The following NKAIN2 variants were observed in gnomAD, a reference collection of about 807,000 sequenced individuals.
The protein encoded by NKAIN2 is sodium/potassium-transporting ATPase subunit beta-1-interacting protein 2.
A neutral mutation model predicts 32.6 loss-of-function variants in NKAIN2; 14 were observed. The ratio of observed to expected loss-of-function variants is 0.43; its 90% confidence interval spans 0.28 to 0.67. NKAIN2 has a LOEUF of 0.67. Among genes scored for constraint, NKAIN2 ranks in the 30% least tolerant of loss-of-function variants. NKAIN2 has a pLI of 0.17. For missense variants in NKAIN2, 198 were observed against 258.3 expected (o/e 0.77, Z 1.60); for synonymous variants, 80 against 87.2 (o/e 0.92, Z 0.46).
At chr6:124,262,519 G>A (rs1247486109) in intron 1 of NKAIN2, among the ~76,000 whole-genome samples, 1 of 152,160 alleles carries the variant, frequency 6.6e-6, no homozygotes, top group Non-Finnish European at 1.5e-5. Context: ...GATATTGAAA[G>A]CTCTAGAGGT....
In NKAIN2 at chr6:124,823,374, A is replaced by C. The variant is rs1781469899; in HGVS notation, c.*145A>C. ...AACAAATGCAAAGCCTCTACATACA[A>C]CACTGACACACACACACACACACAC... On this transcript the variant is annotated 3_prime_UTR_variant, in exon 7 of 7. Coordinates refer to ENST00000368417, the MANE Select transcript of NKAIN2 (RefSeq NM_001040214.3). 1.5e-6 allele frequency: 1 copy of C among 645,724 alleles called. No individual in the cohort carries two copies. Among genetic ancestry groups the C allele is most frequent in the Admixed American group, 2.2e-5 (1 of 45,364 alleles). 40.0% of individuals were successfully genotyped at this position (645,724 alleles called of 1,614,324 possible). A position where few individuals can be genotyped will look rare whatever the true frequency, so the allele number is the denominator to read the frequency against.
chr6:123,822,029 A>G (rs1773945112), intron 1 of NKAIN2, among the ~76,000 whole-genome samples: 1 of 152,218 alleles, frequency 6.6e-6, no homozygotes, highest in Non-Finnish European at 1.5e-5. Flanking sequence ...ATCACTTAAC[A>G]TAAATTAACT....
intron 6 of NKAIN2, among the ~76,000 whole-genome samples, chr6:124,821,637 A>T (rs1440985753): frequency 6.6e-6 from 1 of 152,224 alleles, no homozygotes; most frequent in Non-Finnish European, 1.5e-5. Flanking sequence ...AGTTATAAAA[A>T]ATATATTGTT....
At chr6:124,673,950 C>T (rs572997026) in intron 4 of NKAIN2, among the ~76,000 whole-genome samples, 1 of 152,012 alleles carries the variant, frequency 6.6e-6, no homozygotes, top group African/African-American at 2.4e-5. Context: ...GAAATCATTA[C>T]CAAAACCAAT....
intron 1 of NKAIN2, among the ~76,000 whole-genome samples, chr6:123,982,252 T>C (rs2114667628): frequency 6.6e-6 from 1 of 152,308 alleles, no homozygotes; most frequent in East Asian, 1.9e-4. Flanking sequence ...GTGCTTGTAC[T>C]AATATTGTAT....
rs565927721 is a variant in NKAIN2 at position 124,706,753 on chromosome 6, G to A, written c.474+48367G>A. Among the ~76,000 whole-genome samples, 5 of 152,218 alleles carry A rather than the reference G, an allele frequency of 3.3e-5. No homozygotes were observed. In the East Asian group the frequency reaches 9.7e-4, roughly 29 times the overall value. ...TCATTTGACTCCACTGCTTAATCTG[G>A]CATGTAATGACTGTCCAACTGAAAA... On this transcript the variant is annotated intron_variant, in intron 4 of 6. Coordinates refer to ENST00000368417, the MANE Select transcript of NKAIN2 (RefSeq NM_001040214.3).
intron 1 of NKAIN2, among the ~76,000 whole-genome samples, chr6:124,078,966 C>T (rs1336179331): frequency 1.3e-5 from 2 of 151,982 alleles, no homozygotes; most frequent in African/African-American, 4.8e-5. Context: ...TCTTCTTCCT[C>T]TTACTATTTG....
At chr6:124,715,054 C>T (rs1418294841) in intron 4 of NKAIN2, among the ~76,000 whole-genome samples, 1 of 152,140 alleles carries the variant, frequency 6.6e-6, no homozygotes, top group African/African-American at 2.4e-5. Context: ...TAAATGCCAC[C>T]CACTCCCTGA....
chr6:123,919,656 G>T (rs1353849000), intron 1 of NKAIN2, among the ~76,000 whole-genome samples: 30 of 152,114 alleles, frequency 2.0e-4, no homozygotes, highest in Non-Finnish European at 5.9e-5. Flanking sequence ...CCTTAAAGGA[G>T]ATATAGTTTG....
chr6:124,645,878 G>A (rs1218545040), intron 3 of NKAIN2, among the ~76,000 whole-genome samples: 1 of 152,166 alleles, frequency 6.6e-6, no homozygotes, highest in Non-Finnish European at 1.5e-5. Context: ...CTGTTCAAAT[G>A]TAAGATACTG....
At chr6:123,950,219 A>C (rs1394276220) in intron 1 of NKAIN2, among the ~76,000 whole-genome samples, 1 of 151,786 alleles carries the variant, frequency 6.6e-6, no homozygotes, top group African/African-American at 2.4e-5. Context: ...TTTTGCATCT[A>C]TGTTCAGCAG....
chr6:124,791,162 A>G (rs1314612264), intron 4 of NKAIN2, among the ~76,000 whole-genome samples, 177 bp from the exon 5 acceptor site: 1 of 152,172 alleles, frequency 6.6e-6, no homozygotes, highest in African/African-American at 2.4e-5. Context: ...TTTACAACAC[A>G]GATGAGCATC....
At chr6:123,818,574 T>C (rs867404892) in intron 1 of NKAIN2, among the ~76,000 whole-genome samples, 2 of 152,326 alleles carry the variant, frequency 1.3e-5, no homozygotes, top group South Asian at 4.1e-4. Context: ...ATTTATCTTT[T>C]TAAATTATCC....
At chr6:124,371,824 C>T (rs991417754) in intron 3 of NKAIN2, among the ~76,000 whole-genome samples, 13 of 151,464 alleles carry the variant, frequency 8.6e-5, no homozygotes, top group African/African-American at 2.9e-4. Context: ...AGGGTTACAA[C>T]ATTTTCCAAG....
At chr6:124,601,266 C>CCATTACCATGTACCATTACCATTCTT in intron 3 of NKAIN2, among the ~76,000 whole-genome samples, 1 of 152,134 alleles carries the variant, frequency 6.6e-6, no homozygotes, top group African/African-American at 2.4e-5. Flanking sequence ...CATTACCATG[C>CCATTACCATGTACCATTACCATTCTT]TTTGGAAAGA....
At chr6:124,382,409 A>G (rs1324833928) in intron 3 of NKAIN2, among the ~76,000 whole-genome samples, 2 of 152,000 alleles carry the variant, frequency 1.3e-5, no homozygotes, top group Non-Finnish European at 2.9e-5. Flanking sequence ...GCGAGCTAAA[A>G]CTCTGATGGG....
At chr6:124,278,613 C>A (rs558723313) in intron 1 of NKAIN2, among the ~76,000 whole-genome samples, 1 of 141,882 alleles carries the variant, frequency 7.0e-6, no homozygotes, top group African/African-American at 2.6e-5. Context: ...TACATACACA[C>A]ACGTACATAC....
chr6:124,316,008 G>C (rs1425207170), intron 2 of NKAIN2, among the ~76,000 whole-genome samples: 2 of 152,014 alleles, frequency 1.3e-5, no homozygotes, highest in Non-Finnish European at 2.9e-5. Flanking sequence ...AATCAACAAA[G>C]AGGATTTGGT....
chr6:124,722,562 A>G (rs1332728517), intron 4 of NKAIN2, among the ~76,000 whole-genome samples: 1 of 152,192 alleles, frequency 6.6e-6, no homozygotes, highest in East Asian at 1.9e-4. Context: ...GATCACGTGC[A>G]TCGCAGTTCA....
Sources: allele counts gnomAD v4.1 joint callset (sites outside exome capture counted in the v4.1 genomes callset), GRCh38; gene constraint gnomAD v4.1.1; transcripts MANE v1.5; gene names NCBI Gene and HGNC (gene_info 2026-07-23, HGNC 2026-07-21).